The following LRP1B variants were observed in gnomAD, a reference collection of about 807,000 sequenced individuals.
The protein encoded by LRP1B is low-density lipoprotein receptor-related protein 1B.
In LRP1B, 217 loss-of-function variants were observed where a neutral mutation model predicts 556.6. That is an observed-to-expected ratio of 0.39 (90% confidence interval 0.35 to 0.44). The LOEUF is 0.44. Among genes scored for constraint, LRP1B ranks in the 20% least tolerant of loss-of-function variants. The probability of loss-of-function intolerance (pLI) is 1.00; values close to 1 mark genes in which losing one functional copy is unlikely to be tolerated. For missense variants in LRP1B, 5,053 were observed against 5,620.8 expected, an observed-to-expected ratio of 0.90 and a Z score of 3.23; for synonymous variants, 2,047 against 1,865.8, an observed-to-expected ratio of 1.10 and a Z score of -2.50.
intron 43 of LRP1B, among the ~76,000 whole-genome samples, chr2:140,548,321 T>C (rs891734829): frequency 6.6e-6 from 1 of 152,150 alleles, no homozygotes; most frequent in Non-Finnish European, 1.5e-5. Context: ...AATTTAAGTG[T>C]TTTACTAATA....
chr2:141,131,803 A>G (rs1029222286), intron 7 of LRP1B, among the ~76,000 whole-genome samples: 8 of 151,966 alleles, frequency 5.3e-5, no homozygotes, highest in Non-Finnish European at 1.0e-4. Flanking sequence ...CATGAATATT[A>G]TGAATTCTCT....
intron 51 of LRP1B, among the ~76,000 whole-genome samples, chr2:140,513,030 A>C (rs1014744339): frequency 2.0e-5 from 3 of 152,134 alleles, no homozygotes; most frequent in African/African-American, 7.2e-5. Flanking sequence ...GTCTTTAATA[A>C]AAAAGCATTA....
At chr2:140,615,367 C>T (rs1683219550) in intron 41 of LRP1B, among the ~76,000 whole-genome samples, 1 of 152,058 alleles carries the variant, frequency 6.6e-6, no homozygotes, top group Non-Finnish European at 1.5e-5. Flanking sequence ...TCAATAAACC[C>T]TAACCTCCTA....
At chr2:140,331,517 G>T (rs985075238) in intron 79 of LRP1B, among the ~76,000 whole-genome samples, 2 of 151,780 alleles carry the variant, frequency 1.3e-5, no homozygotes, top group Non-Finnish European at 2.9e-5. Flanking sequence ...TGGCATTTAA[G>T]GTGTTCTCTT....
chr2:141,139,466 G>C (rs1039980966), intron 7 of LRP1B, among the ~76,000 whole-genome samples: 1 of 151,362 alleles, frequency 6.6e-6, no homozygotes, highest in Non-Finnish European at 1.5e-5. Context: ...TAAAATATTG[G>C]TGTATACTAT....
At chr2:142,121,277 C>T (rs564528018) in intron 1 of LRP1B, among the ~76,000 whole-genome samples, 7 of 152,272 alleles carry the variant, frequency 4.6e-5, no homozygotes, top group African/African-American at 1.7e-4. Flanking sequence ...TCAGACCAAG[C>T]ATGATCTCTT....
chr2:141,015,797 G>A lies in LRP1B; in HGVS notation c.2089C>T (p.Pro697Ser). The change falls in exon 13 of 91, where the codon CCA becomes TCA. Residue 697 changes from proline to serine, a missense_variant. This residue lies in a region of LRP1B where 3,619 missense variants were observed against 3,931.9 expected (regional missense o/e 0.92). Transcript: ENST00000389484. ...TGAAAGTCCAGAGTTAAACCGTTTG[G>A]CCACAGCATCTTTGAAGTCACAAAA... ...QIFVTSKMLW[P>S]NGLTLDFHTN... The A allele has an allele frequency of 6.2e-7, 1 of 1,613,310 alleles. No homozygotes were observed. Among genetic ancestry groups the A allele is most frequent in the Non-Finnish European group, 8.5e-7 (1 of 1,179,658 alleles).
At chr2:140,652,099 T>C (rs1684710189) in intron 41 of LRP1B, among the ~76,000 whole-genome samples, 1 of 151,966 alleles carries the variant, frequency 6.6e-6, no homozygotes, top group African/African-American at 2.4e-5. Context: ...AAAATGTTTT[T>C]AAAAAAGCAA....
chr2:142,006,614 G>A (rs1702808796), intron 1 of LRP1B, among the ~76,000 whole-genome samples: 1 of 152,200 alleles, frequency 6.6e-6, no homozygotes, highest in African/African-American at 2.4e-5. Context: ...GTCTCTGGCA[G>A]CCAACTGCCA....
At position 141,339,305 on chromosome 2, in the gene LRP1B, A is replaced by AAAATAG. The variant is rs1553499030; in HGVS notation, c.344-84665_344-84664insCTATTT. ...CACTACTGCTTGGGGTAACGCAAAA[A>AAAATAG]AAAAAAAAAGCATTCAAAACTACTG... On this transcript the variant is annotated intron_variant, in intron 3 of 90. Coordinates refer to ENST00000389484, the MANE Select transcript of LRP1B (RefSeq NM_018557.3). Among the ~76,000 whole-genome samples the AAAATAG allele has an allele frequency of 3.3e-5, 5 of 149,958 alleles. No homozygotes were observed. In the South Asian group the frequency reaches 1.0e-3, roughly 31 times the overall value.
intron 59 of LRP1B, among the ~76,000 whole-genome samples, chr2:140,476,759 C>G (rs1687991543): frequency 6.6e-6 from 1 of 151,832 alleles, no homozygotes; most frequent in African/African-American, 2.4e-5. Flanking sequence ...AAAACCTAAA[C>G]AAAAGGTGTA....
chr2:140,736,478 T>C (rs1257973928), intron 35 of LRP1B, among the ~76,000 whole-genome samples: 1 of 152,092 alleles, frequency 6.6e-6, no homozygotes, highest in African/African-American at 2.4e-5. Flanking sequence ...CTTCAAACTA[T>C]ACTACAAGGC....
At chr2:141,546,084 G>GC (rs1685541048) in intron 2 of LRP1B, among the ~76,000 whole-genome samples, 1 of 152,106 alleles carries the variant, frequency 6.6e-6, no homozygotes, top group Admixed American at 6.6e-5. Flanking sequence ...TACCACTCCA[G>GC]CCCCCAAACC....
rs1177669719 is a variant in LRP1B, at chr2:140,514,645, C to A, written c.8269+8G>T. The A allele has an allele frequency of 1.2e-6, 2 of 1,607,220 alleles. No individual in the cohort carries two copies. Among genetic ancestry groups the A allele is most frequent in the Non-Finnish European group, 1.7e-6 (2 of 1,175,926 alleles). The stretch of plus-strand genomic sequence containing the variant: ...AAACTGATTGAGGACAGAAGATACA[C>A]AACTTACCACAAATGCTGTCACTTT... On this transcript the variant is annotated splice_region_variant and intron_variant, in intron 51 of 90. Transcript: ENST00000389484.
intron 18 of LRP1B, among the ~76,000 whole-genome samples, chr2:140,969,640 A>G (rs1320921842): frequency 1.3e-5 from 2 of 152,132 alleles, no homozygotes; most frequent in Non-Finnish European, 2.9e-5. Context: ...ACAATTTGGC[A>G]TGTTTTTTGC....
At chr2:141,679,382 G>A (rs571116029) in intron 2 of LRP1B, among the ~76,000 whole-genome samples, 19 of 152,200 alleles carry the variant, frequency 1.2e-4, no homozygotes, top group Admixed American at 1.0e-3. Flanking sequence ...TTGTTATGCC[G>A]TAATAAATAA....
At chr2:140,614,170 C>T (rs1342883291) in intron 41 of LRP1B, among the ~76,000 whole-genome samples, 1 of 152,104 alleles carries the variant, frequency 6.6e-6, no homozygotes, top group Non-Finnish European at 1.5e-5. Context: ...TTAAATCACT[C>T]AGTCACCTCT....
intron 2 of LRP1B, among the ~76,000 whole-genome samples, chr2:141,515,853 A>T (rs1011063440): frequency 6.6e-6 from 1 of 152,208 alleles, no homozygotes; most frequent in African/African-American, 2.4e-5. Context: ...AGTGAACTGT[A>T]CTTAAGAATG....
At chr2:141,708,184 C>T (rs1200454946) in intron 2 of LRP1B, among the ~76,000 whole-genome samples, 1 of 151,868 alleles carries the variant, frequency 6.6e-6, no homozygotes, top group African/African-American at 2.4e-5. Context: ...ATGTAACAAA[C>T]CTGCACGTCC....
Sources: gnomAD v4.1 joint callset for allele counts (sites outside exome capture counted in the v4.1 genomes callset) on GRCh38, gnomAD v4.1.1 for gene constraint, gnomAD v4.1.1 regional missense constraint, MANE v1.5 for transcripts, NCBI Gene and HGNC (gene_info 2026-07-23, HGNC 2026-07-21) for gene names.